The following WDR7 variants were observed in gnomAD, a reference collection of about 807,000 sequenced individuals.
WDR7 encodes the protein WD repeat-containing protein 7.
WDR7 carries 46 observed loss-of-function variants against 169.4 expected under a neutral mutation model. The observed-to-expected ratio is 0.27, with a 90% CI of 0.21 to 0.35. WDR7 has a LOEUF of 0.35. Among genes scored for constraint, WDR7 ranks in the 10% least tolerant of loss-of-function variants. The probability of loss-of-function intolerance (pLI) is 1.00; values close to 1 mark genes in which losing one functional copy is unlikely to be tolerated. For missense variants in WDR7, 1,534 were observed against 1,859.3 expected (o/e 0.83, Z 3.22); for synonymous variants, 612 against 666.8 (o/e 0.92, Z 1.27).
Position 56,682,871 on chromosome 18 carries a change from G to C in WDR7, c.520+18G>C. The C allele has an allele frequency of 1.2e-6, 2 of 1,607,494 alleles. No homozygotes were observed. The highest frequency in any genetic ancestry group is 4.5e-5 in the East Asian group (2 of 44,668). On this transcript the variant is annotated intron_variant, in intron 5 of 27. Transcript: ENST00000254442. Reference sequence around the variant, plus strand: ...AACACAAGGTCAGTGTATTATGCCTGTTAGGAGCTTTAGCACCATGACTTA... The same window carrying C: ...AACACAAGGTCAGTGTATTATGCCTCTTAGGAGCTTTAGCACCATGACTTA...
chr18:56,968,501 T>C (rs1488302480), intron 26 of WDR7, among the ~76,000 whole-genome samples: 2 of 151,880 alleles, frequency 1.3e-5, no homozygotes, highest in African/African-American at 2.4e-5. Context: ...AAAACCTTTC[T>C]TATGAGTCAT....
chr18:56,841,218 A>G (rs961154930), intron 20 of WDR7, among the ~76,000 whole-genome samples: 3 of 151,532 alleles, frequency 2.0e-5, no homozygotes, highest in African/African-American at 4.9e-5. Flanking sequence ...ATAAAATAAC[A>G]TAGAAAAGTT....
intron 5 of WDR7, among the ~76,000 whole-genome samples, chr18:56,683,380 A>G (rs975856939): frequency 6.6e-6 from 1 of 152,232 alleles, no homozygotes; most frequent in African/African-American, 2.4e-5. Context: ...TAACAACCAT[A>G]AAAGCAAAAG....
chr18:56,700,252 C>CTTTTCTTTTTT (rs2025794518), intron 12 of WDR7, among the ~76,000 whole-genome samples: 1 of 67,240 alleles, frequency 1.5e-5, no homozygotes, highest in African/African-American at 6.1e-5. Flanking sequence ...TTTTCATTTT[C>CTTTTCTTTTTT]TTTTTTTTTT....
At chr18:56,950,847 C>T (rs1455419223) in intron 25 of WDR7, among the ~76,000 whole-genome samples, 1 of 152,182 alleles carries the variant, frequency 6.6e-6, no homozygotes, top group East Asian at 1.9e-4. Context: ...TGTTAAATCA[C>T]CATGGTACAT....
intron 20 of WDR7, among the ~76,000 whole-genome samples, chr18:56,851,042 A>G (rs908278771): frequency 6.6e-5 from 10 of 152,138 alleles, no homozygotes; most frequent in Admixed American, 3.3e-4. Flanking sequence ...TCAGGGTTCT[A>G]TTGTTGCTTA....
chr18:56,959,300 A>G (rs1475582670), intron 25 of WDR7, among the ~76,000 whole-genome samples: 3 of 152,164 alleles, frequency 2.0e-5, no homozygotes, highest in Non-Finnish European at 4.4e-5. Flanking sequence ...GAGGTGATTT[A>G]TTGTTGAAAA....
intron 13 of WDR7, among the ~76,000 whole-genome samples, chr18:56,726,136 C>T (rs2026448321): frequency 6.6e-6 from 1 of 152,138 alleles, no homozygotes; most frequent in Non-Finnish European, 1.5e-5. Flanking sequence ...GCAATGCAGG[C>T]TCTTTTTTGG....
At chr18:56,815,427 C>A (rs912310686) in intron 19 of WDR7, among the ~76,000 whole-genome samples, 14 of 151,962 alleles carry the variant, frequency 9.2e-5, no homozygotes. Flanking sequence ...AATTCTCAGG[C>A]GATTTACAGA....
intron 13 of WDR7, among the ~76,000 whole-genome samples, chr18:56,719,925 T>G (rs2026282668): frequency 6.6e-6 from 1 of 152,166 alleles, no homozygotes; most frequent in African/African-American, 2.4e-5. Context: ...GTAAGTGTGT[T>G]TATATGTATG....
chr18:57,002,793 A>G (rs563900742), intron 26 of WDR7, among the ~76,000 whole-genome samples: 13 of 152,272 alleles, frequency 8.5e-5, no homozygotes, highest in African/African-American at 2.9e-4. Context: ...GCAAAATTGT[A>G]ATGAGGGAAT....
chr18:56,694,807 T>A (rs371300101), intron 10 of WDR7, 47 bp downstream of exon 10: 3 of 1,562,882 alleles, frequency 1.9e-6, no homozygotes, highest in East Asian at 2.3e-5. Flanking sequence ...TTTAATATCT[T>A]AAATACCAAC....
At chr18:56,672,185 T>C (rs905127596) in intron 1 of WDR7, among the ~76,000 whole-genome samples, 2 of 152,154 alleles carry the variant, frequency 1.3e-5, no homozygotes, top group African/African-American at 2.4e-5. Flanking sequence ...AAATATGAGG[T>C]ACTGAAGTCA....
chr18:56,686,754 TG>T, intron 6 of WDR7, 100 bp from the exon 7 acceptor site: 1 of 1,004,262 alleles, frequency 1.0e-6, no homozygotes. Context: ...GATGAACATA[TG>T]AAGCGATGCC....
intron 20 of WDR7, among the ~76,000 whole-genome samples, chr18:56,859,942 T>C (rs1254806695): frequency 1.3e-5 from 2 of 152,198 alleles, no homozygotes; most frequent in African/African-American, 4.8e-5. Flanking sequence ...TTTAGTAGCA[T>C]TGATTTTTGT....
intron 22 of WDR7, among the ~76,000 whole-genome samples, chr18:56,929,368 A>G (rs1365914724): frequency 6.6e-6 from 1 of 152,188 alleles, no homozygotes; most frequent in Admixed American, 6.5e-5. Context: ...CTTGTGTCAT[A>G]TATTATGTGT....
intron 26 of WDR7, among the ~76,000 whole-genome samples, chr18:56,972,261 T>C (rs1396322303): frequency 6.6e-6 from 1 of 152,220 alleles, no homozygotes; most frequent in Non-Finnish European, 1.5e-5. Flanking sequence ...CAATGTGTTC[T>C]TCTCTCTAAA....
chr18:56,682,537 AT>A, intron 4 of WDR7, 141 bp from the exon 5 acceptor site: 1 of 868,962 alleles, frequency 1.2e-6, no homozygotes, highest in Non-Finnish European at 1.7e-6. Flanking sequence ...AATATGTACC[AT>A]TTGGTAAATA....
At chr18:56,996,293 A>G (rs971836092) in intron 26 of WDR7, among the ~76,000 whole-genome samples, 2 of 152,142 alleles carry the variant, frequency 1.3e-5, no homozygotes, top group African/African-American at 4.8e-5. Flanking sequence ...AATTAAAAGG[A>G]AAGATTAGAT....
Sources: allele counts gnomAD v4.1 joint callset (sites outside exome capture counted in the v4.1 genomes callset), GRCh38; gene constraint gnomAD v4.1.1; transcripts MANE v1.5; gene names NCBI Gene and HGNC (gene_info 2026-07-23, HGNC 2026-07-21).